Variants in SPNS3 observed in about 807,000 individuals in gnomAD.
The protein encoded by SPNS3 is SPNS lysolipid transporter 3, sphingosine-1-phosphate (putative).
A neutral mutation model predicts 54.4 loss-of-function variants in SPNS3; 51 were observed. That is an observed-to-expected ratio of 0.94 (90% CI 0.75 to 1.18). SPNS3 has a LOEUF of 1.18. Ranked by LOEUF, SPNS3 falls within the 50% of genes most tolerant of loss-of-function variation. SPNS3 has a pLI of 0.00. For synonymous variants in SPNS3, 309 were observed against 294.7 expected, an observed-to-expected ratio of 1.05 and a Z score of -0.50; for missense variants, 669 against 677.4, an observed-to-expected ratio of 0.99 and a Z score of 0.14.
intron 9 of SPNS3, among the ~76,000 whole-genome samples, chr17:4,480,510 C>CCTG (rs1351205748): frequency 5.9e-5 from 9 of 152,222 alleles, no homozygotes; most frequent in Non-Finnish European, 1.2e-4. Flanking sequence ...GCTTCCCTGG[C>CCTG]CTGCCCCCCA....
chr17:4,467,486 C>G (rs945118728), intron 8 of SPNS3, among the ~76,000 whole-genome samples: 2 of 151,958 alleles, frequency 1.3e-5, no homozygotes, highest in African/African-American at 4.8e-5. Flanking sequence ...TCCGGCTGTC[C>G]CCTGGGTCCC....
chr17:4,478,661 G>A (rs761266531), intron 9 of SPNS3, 24 bp downstream of exon 9: 4 of 1,572,488 alleles, frequency 2.5e-6, no homozygotes, highest in Non-Finnish European at 8.6e-7. Flanking sequence ...TCGGGGTGGT[G>A]GGCTGAGCAG....
At chr17:4,434,285 G>C in intron 1 of SPNS3, 119 bp downstream of exon 1, 1 of 989,940 alleles carries the variant, frequency 1.0e-6, no homozygotes, top group South Asian at 1.6e-5. Flanking sequence ...CCCATCTCTG[G>C]TGTTCTCACC....
intron 8 of SPNS3, among the ~76,000 whole-genome samples, chr17:4,456,614 C>A (rs12103468): frequency 0.018 from 2,706 of 152,278 alleles, 73 homozygotes; most frequent in African/African-American, 0.061. Flanking sequence ...CAACCTCTAC[C>A]TTTCAGGTTC....
intron 8 of SPNS3, among the ~76,000 whole-genome samples, chr17:4,477,823 G>A (rs545677322): frequency 6.6e-6 from 1 of 152,126 alleles, no homozygotes; most frequent in East Asian, 1.9e-4. Context: ...CCTTTGGTGG[G>A]GTGCCTGGGG....
At chr17:4,466,134 C>T (rs536995763) in intron 8 of SPNS3, among the ~76,000 whole-genome samples, 101 of 152,390 alleles carry the variant, frequency 6.6e-4, no homozygotes, top group African/African-American at 2.3e-3. Context: ...TGTCCACTCA[C>T]TTATGAAATC....
chr17:4,485,030 G>T (rs562297177), intron 9 of SPNS3: 1 of 152,252 alleles, frequency 6.6e-6, no homozygotes, highest in Non-Finnish European at 1.5e-5. Context: ...GCTCAGGGCA[G>T]GTACCTGAAC....
intron 8 of SPNS3, among the ~76,000 whole-genome samples, chr17:4,457,611 A>T (rs556346763): frequency 1.3e-5 from 2 of 152,256 alleles, no homozygotes; most frequent in African/African-American, 4.8e-5. Context: ...GCCCAGGCAG[A>T]TGGAGGCCCC....
intron 2 of SPNS3, among the ~76,000 whole-genome samples, chr17:4,443,866 C>T (rs1970914312): frequency 6.6e-6 from 1 of 152,212 alleles, no homozygotes; most frequent in Non-Finnish European, 1.5e-5. Context: ...TTTAGGAGGC[C>T]GAGGTGGGCG....
intron 8 of SPNS3, among the ~76,000 whole-genome samples, chr17:4,458,598 T>TTTCA: frequency 2.2e-5 from 2 of 90,050 alleles, no homozygotes; most frequent in Non-Finnish European, 4.5e-5. Context: ...CCTTTCTTTC[T>TTTCA]TTCTTTCTTT....
At chr17:4,439,583 C>A in intron 1 of SPNS3, 75 bp from the exon 2 acceptor site, 1 of 1,463,904 alleles carries the variant, frequency 6.8e-7, no homozygotes, top group Non-Finnish European at 9.4e-7. Flanking sequence ...GGCCCTGTGC[C>A]AAACCTGGAG....
intron 8 of SPNS3, among the ~76,000 whole-genome samples, chr17:4,458,588 C>CCTTTCTTT (rs1188233610): frequency 7.8e-3 from 456 of 58,160 alleles, no homozygotes; most frequent in African/African-American, 0.011. Flanking sequence ...TTCCTTCCCT[C>CCTTTCTTT]CTTTCTTTCT....
chr17:4,434,342 A>G (rs779648845), intron 1 of SPNS3, among the ~76,000 whole-genome samples, 176 bp downstream of exon 1: 1 of 152,046 alleles, frequency 6.6e-6, no homozygotes, highest in Non-Finnish European at 1.5e-5. Context: ...GGACCAACTG[A>G]TGTTCCCAAT....
chr17:4,487,778 G>A, intron 11 of SPNS3, 28 bp from the exon 12 acceptor site: 1 of 1,608,152 alleles, frequency 6.2e-7, no homozygotes. Context: ...GCAACCTTCG[G>A]GCAGGCTGAG....
At chr17:4,436,383 A>G (rs1355453752) in intron 1 of SPNS3, among the ~76,000 whole-genome samples, 4 of 152,182 alleles carry the variant, frequency 2.6e-5, no homozygotes, top group African/African-American at 9.6e-5. Context: ...ACATGAGGTC[A>G]GGAGTTCGAG....
chr17:4,487,624 C>T (rs944949492), intron 11 of SPNS3, among the ~76,000 whole-genome samples, 182 bp from the exon 12 acceptor site: 1 of 152,234 alleles, frequency 6.6e-6, no homozygotes, highest in African/African-American at 2.4e-5. Flanking sequence ...ACTCCCCTTC[C>T]AGGGGAGAGT....
chr17:4,443,034 A>G (rs539023804), intron 2 of SPNS3, among the ~76,000 whole-genome samples: 1 of 152,164 alleles, frequency 6.6e-6, no homozygotes, highest in East Asian at 1.9e-4. Context: ...CATGTGAGGA[A>G]TATGAGGATA....
chr17:4,441,493 C>T (rs1016346131), intron 2 of SPNS3, among the ~76,000 whole-genome samples: 2 of 152,330 alleles, frequency 1.3e-5, no homozygotes, highest in African/African-American at 4.8e-5. Flanking sequence ...ATCTTCCAGC[C>T]ATATCTGTGG....
chr17:4,458,642 TTTCTTTCC>T (rs1394019085), intron 8 of SPNS3, among the ~76,000 whole-genome samples: 5 of 133,546 alleles, frequency 3.7e-5, no homozygotes, highest in Admixed American at 7.8e-5. Context: ...TCTTTCTTTC[TTTCTTTCC>T]TTCCTTCTTT....
Sources: gnomAD v4.1 joint callset for allele counts (sites outside exome capture counted in the v4.1 genomes callset) on GRCh38, gnomAD v4.1.1 for gene constraint, MANE v1.5 for transcripts, NCBI Gene and HGNC (gene_info 2026-07-23, HGNC 2026-07-21) for gene names.